CACNA2D4: variants seen among roughly 807,000 people sequenced by gnomAD.
CACNA2D4 encodes the protein calcium voltage-gated channel auxiliary subunit alpha2delta 4.
CACNA2D4 carries 157 observed loss-of-function variants against 163.8 expected under a neutral mutation model. The ratio of observed to expected loss-of-function variants is 0.96; its 90% CI spans 0.84 to 1.09. CACNA2D4 has a LOEUF of 1.09. Among genes scored for constraint, CACNA2D4 ranks in the 50% least tolerant of loss-of-function variants. CACNA2D4 has a pLI of 0.00. For missense variants in CACNA2D4, 1,410 were observed against 1,479.9 expected (o/e 0.95, Z 0.78); for synonymous variants, 598 against 586.9 (o/e 1.02, Z -0.27).
intron 26 of CACNA2D4, among the ~76,000 whole-genome samples, chr12:1,824,501 C>A (rs572468151): frequency 1.3e-5 from 2 of 152,174 alleles, no homozygotes; most frequent in Non-Finnish European, 2.9e-5. Context: ...CCAGGGACTC[C>A]GTGGAGGCCT....
chr12:1,822,103 A>C (rs1478271234), intron 26 of CACNA2D4: 1 of 151,918 alleles, frequency 6.6e-6, no homozygotes, highest in Non-Finnish European at 1.5e-5. Flanking sequence ...CAGCACTGCC[A>C]AAAGAGGGAG....
At chr12:1,797,729 G>A in intron 34 of CACNA2D4, 194 bp from the exon 35 acceptor site, 1 of 619,132 alleles carries the variant, frequency 1.6e-6, no homozygotes. Context: ...CTCTGGAGAG[G>A]GTGGCTTGGC....
chr12:1,813,793 A>G (rs1010327526), intron 26 of CACNA2D4, among the ~76,000 whole-genome samples: 8 of 152,258 alleles, frequency 5.3e-5, no homozygotes, highest in African/African-American at 1.9e-4. Flanking sequence ...GTGGGCTGGA[A>G]GGGGACGGGG....
intron 18 of CACNA2D4, among the ~76,000 whole-genome samples, chr12:1,870,111 T>C (rs1334139960): frequency 1.3e-5 from 2 of 152,182 alleles, no homozygotes; most frequent in East Asian, 3.9e-4. Context: ...TCCTAAGGTG[T>C]AGTTCTTCTG....
At chr12:1,815,908 T>A (rs1037015473) in intron 26 of CACNA2D4, among the ~76,000 whole-genome samples, 1 of 152,216 alleles carries the variant, frequency 6.6e-6, no homozygotes, top group African/African-American at 2.4e-5. Flanking sequence ...AACTATAAGA[T>A]GTTGAAGACA....
intron 27 of CACNA2D4, 59 bp downstream of exon 27, chr12:1,811,603 T>A (rs1863711660): frequency 6.6e-7 from 1 of 1,518,964 alleles, no homozygotes; most frequent in African/African-American, 1.4e-5. Context: ...AGAGGGGGTC[T>A]CACACCCAGG....
chr12:1,793,604 G>A lies in CACNA2D4; in HGVS notation c.*51C>T, dbSNP rs1863033700. Reference sequence around the variant, plus strand: ...TCCCATGTCAGTGCTGACTTTTTGGGATGGCTCTGGAAGGATCACCTTGCC... The same window carrying A: ...TCCCATGTCAGTGCTGACTTTTTGGAATGGCTCTGGAAGGATCACCTTGCC... On this transcript the variant is annotated 3_prime_UTR_variant, in exon 38 of 38. Transcript: ENST00000382722. The A allele has an allele frequency of 2.0e-6, 3 of 1,529,932 alleles. No individual in the cohort carries two copies. The highest frequency in any genetic ancestry group is 1.7e-5 in the Admixed American group (1 of 59,766). The allele number at this position is 1,529,932 out of a possible 1,614,324, so 94.8% of individuals were successfully genotyped here.
rs183104882 is a variant in CACNA2D4, at chr12:1,907,862, G to T, written c.649+13C>A. On this transcript the variant is annotated intron_variant, in intron 5 of 37. Transcript: ENST00000382722. ...TGCCTGGTGAGTGTGCCTGAGCTGA[G>T]CGTGCCGGCTACCTTTGTTGTACAC... The T allele has an allele frequency of 1.9e-6, 3 of 1,613,878 alleles. No homozygotes were observed. In the East Asian group the frequency reaches 6.7e-5, roughly 36 times the overall value.
At chr12:1,913,243 C>A in intron 2 of CACNA2D4, 104 bp from the exon 3 acceptor site, 1 of 803,244 alleles carries the variant, frequency 1.2e-6, no homozygotes, top group South Asian at 1.5e-5. Flanking sequence ...CATTCCGGCA[C>A]ATGGAGCCTG....
chr12:1,799,144 T>C lies in CACNA2D4; in HGVS notation c.2995+531A>G, dbSNP rs894332194. 6.6e-6 allele frequency among the ~76,000 whole-genome samples: 1 copy of C among 152,082 alleles called. No individual in the cohort carries two copies. The highest frequency in any genetic ancestry group is 1.5e-5 in the Non-Finnish European group (1 of 67,998). ...ATGGAGGGCCCAGGCGCCCGGGCAG[T>C]GAGTGCTTTGAAAGGCCAGGCTCAT... is the stretch of plus-strand genomic sequence containing the variant. On this transcript the variant is annotated intron_variant, in intron 34 of 37. Coordinates refer to ENST00000382722, the MANE Select transcript of CACNA2D4 (RefSeq NM_172364.5). This position sits in a 1 kb window ranked among gnomAD's most constrained non-coding sequence, Gnocchi z 4.7.
rs146482202 is a variant in CACNA2D4, at chr12:1,809,141, G to T, written c.2721+1137C>A. 1.5e-3 allele frequency among the ~76,000 whole-genome samples: 231 copies of T among 152,302 alleles called. 1 individual carries two copies. Among genetic ancestry groups the T allele is most frequent in the African/African-American group, 5.2e-3 (215 of 41,570 alleles). On this transcript the variant is annotated intron_variant, in intron 29 of 37. Transcript: ENST00000382722. ...CACTGGTGCCCCTTTGTCCTCACTT[G>T]CCCTCTTTCCCAAGTCTCCTTCCGA...
intron 6 of CACNA2D4, among the ~76,000 whole-genome samples, chr12:1,903,403 G>A (rs532994908): frequency 2.9e-4 from 44 of 151,990 alleles, no homozygotes; most frequent in Non-Finnish European, 4.0e-4. Flanking sequence ...CACAGCAAAA[G>A]AAACAATCAA....
chr12:1,799,728 C>T lies in CACNA2D4; in HGVS notation c.2975-33G>A. On this transcript the variant is annotated intron_variant, in intron 33 of 37. Coordinates refer to ENST00000382722, the MANE Select transcript of CACNA2D4 (RefSeq NM_172364.5). The surrounding 1 kb of genome is among the most constrained non-coding windows in gnomAD (Gnocchi z 4.7). ...GAACATAAGCCCAGCACAGGGTGGA[C>T]ACGGCACAGGAAAACATGGTGGCAC... 1 of 1,566,088 alleles carries T rather than the reference C, an allele frequency of 6.4e-7. No individual in the cohort carries two copies. Among genetic ancestry groups the T allele is most frequent in the Non-Finnish European group, 8.7e-7 (1 of 1,155,746 alleles).
At chr12:1,915,042 C>T in intron 1 of CACNA2D4, 107 bp from the exon 2 acceptor site, 2 of 811,630 alleles carry the variant, frequency 2.5e-6, no homozygotes, top group Non-Finnish European at 4.4e-6. Context: ...AGTGTCTACA[C>T]ACAGACACCT....
intron 29 of CACNA2D4, among the ~76,000 whole-genome samples, chr12:1,804,959 G>C (rs1029970054): frequency 6.6e-6 from 1 of 152,204 alleles, no homozygotes; most frequent in African/African-American, 2.4e-5. Flanking sequence ...GCAAATCCCC[G>C]ACTCAAATAC....
intron 18 of CACNA2D4, among the ~76,000 whole-genome samples, chr12:1,863,688 T>C (rs1474015074): frequency 1.3e-5 from 2 of 152,246 alleles, no homozygotes; most frequent in African/African-American, 4.8e-5. Flanking sequence ...CTATTGTCAT[T>C]GGAACTTTAA....
chr12:1,913,017 G>C lies in CACNA2D4; in HGVS notation c.426+6C>G. 6.3e-7 allele frequency: 1 copy of C among 1,591,356 alleles called. No individual in the cohort carries two copies. The highest frequency in any genetic ancestry group is 8.6e-7 in the Non-Finnish European group (1 of 1,159,370). On this transcript the variant is annotated splice_donor_region_variant and intron_variant, in intron 3 of 37. Transcript: ENST00000382722. Reference sequence around the variant, plus strand: ...AAACGCCCTGCAGATCACAGGCCTGGAGTACCTGGACCGCCTCGACTTTCC... The same window carrying C: ...AAACGCCCTGCAGATCACAGGCCTGCAGTACCTGGACCGCCTCGACTTTCC...
In CACNA2D4 at chr12:1,844,503, G is replaced by A; in HGVS notation, c.2369C>T (p.Ala790Val). 6.2e-7 allele frequency: 1 copy of A among 1,613,362 alleles called. No individual in the cohort carries two copies. The highest frequency in any genetic ancestry group is 8.5e-7 in the Non-Finnish European group (1 of 1,179,708). Residue 790 changes from alanine to valine, a missense_variant, in exon 25 of 38, where the codon GCC (alanine) becomes GTC (valine). By Grantham distance (64) the Ala-to-Val change is moderately conservative (BLOSUM62 0). Coordinates refer to ENST00000382722, the MANE Select transcript of CACNA2D4 (RefSeq NM_172364.5). This position sits in a 1 kb window ranked among gnomAD's most constrained non-coding sequence, Gnocchi z 4.2. ...DRKFLTPEDE[A>V]SVFTLDRFPL... ...GAAGCGGTCCAGGGTGAACACGCTG[G>A]CCTCGTCCTCAGGTGTCAGGAACTT...
chr12:1,854,098 C>G, intron 22 of CACNA2D4, 54 bp from the exon 23 acceptor site: 1 of 1,298,936 alleles, frequency 7.7e-7, no homozygotes, highest in Admixed American at 2.1e-5. Context: ...TGCTCATGAA[C>G]ACAACTCTCC....
Sources: gnomAD v4.1 joint callset for allele counts (sites outside exome capture counted in the v4.1 genomes callset) on GRCh38, gnomAD v4.1.1 for gene constraint, Gnocchi (gnomAD v3.1) non-coding constraint, MANE v1.5 for transcripts, NCBI Gene and HGNC (gene_info 2026-07-23, HGNC 2026-07-21) for gene names.